CSMD1: variants seen among roughly 807,000 people sequenced by gnomAD.
CSMD1 encodes CUB and Sushi multiple domains 1, also known as CUB and sushi domain-containing protein 1.
CSMD1 carries 213 observed loss-of-function variants against 417.5 expected under a neutral mutation model. The observed-to-expected ratio is 0.51, with a 90% confidence interval of 0.46 to 0.57. The LOEUF (loss-of-function observed/expected upper bound fraction) is 0.57, where lower values mean the gene tolerates loss of function less well. Among genes scored for constraint, CSMD1 ranks in the 20% least tolerant of loss-of-function variants. The probability of loss-of-function intolerance (pLI) is 0.00; values close to 1 mark genes in which losing one functional copy is unlikely to be tolerated. For synonymous variants in CSMD1, 2,862 were observed against 1,736.8 expected (o/e 1.65, Z -16.11); for missense variants, 6,923 against 4,529.7 (o/e 1.53, Z -15.17).
chr8:4,384,886 G>C (rs112473090), intron 3 of CSMD1, among the ~76,000 whole-genome samples: 12,780 of 152,162 alleles, frequency 0.084, 699 homozygotes, highest in South Asian at 0.19. Context: ...CTAATTTCTG[G>C]TGACTATCAA....
chr8:4,165,245 C>T (rs571757595), intron 3 of CSMD1, among the ~76,000 whole-genome samples: 1 of 152,340 alleles, frequency 6.6e-6, no homozygotes, highest in South Asian at 2.1e-4. Context: ...TTCAAAAGGA[C>T]ATGGAGGTCT....
chr8:3,505,238 C>T (rs555552506), intron 10 of CSMD1, among the ~76,000 whole-genome samples: 2 of 152,098 alleles, frequency 1.3e-5, no homozygotes, highest in South Asian at 4.2e-4. Context: ...ATAGAATAAA[C>T]CAGAACACTG....
intron 33 of CSMD1, among the ~76,000 whole-genome samples, chr8:3,192,595 C>T (rs969424938): frequency 6.6e-5 from 10 of 152,156 alleles, no homozygotes; most frequent in East Asian, 1.9e-4. Context: ...GAGAGAGGCA[C>T]GAGAAGCAGC....
chr8:3,613,987 A>T (rs1446358530), intron 8 of CSMD1, among the ~76,000 whole-genome samples: 1 of 151,934 alleles, frequency 6.6e-6, no homozygotes, highest in East Asian at 1.9e-4. Context: ...TTTTATTTGT[A>T]GATAACAAAA....
Position 4,525,429 on chromosome 8 carries a change from A to G in CSMD1, c.303-105364T>C, listed in dbSNP as rs548049143. 2.7e-4 allele frequency among the ~76,000 whole-genome samples: 41 copies of G among 152,258 alleles called. No homozygotes were observed. In the South Asian group the frequency reaches 8.1e-3, roughly 30 times the overall value. On this transcript the variant is annotated intron_variant, in intron 2 of 69. Coordinates refer to ENST00000635120, the MANE Select transcript of CSMD1 (RefSeq NM_033225.6). ...TCATTCCCAACAATGGGAATGCTCT[A>G]CTTTAACCATGAGCTGTAACATATT...
At chr8:3,042,263 T>A (rs1244901867) in intron 50 of CSMD1, among the ~76,000 whole-genome samples, 1 of 152,126 alleles carries the variant, frequency 6.6e-6, no homozygotes, top group African/African-American at 2.4e-5. Flanking sequence ...CACCCTCCTA[T>A]CTAGCACAGA....
intron 10 of CSMD1, among the ~76,000 whole-genome samples, chr8:3,498,069 G>C (rs1392482208): frequency 6.6e-6 from 1 of 152,036 alleles, no homozygotes; most frequent in Non-Finnish European, 1.5e-5. Flanking sequence ...GCTGGGTATA[G>C]TATTCTTGGC....
At chr8:3,451,437 T>C (rs1456295299) in intron 12 of CSMD1, among the ~76,000 whole-genome samples, 1 of 152,238 alleles carries the variant, frequency 6.6e-6, no homozygotes, top group African/African-American at 2.4e-5. Flanking sequence ...TCTAGGGTTT[T>C]TATGGTTTTA....
Position 3,411,882 on chromosome 8 carries a change from A to ACGTATATATG in CSMD1, c.1562-2278_1562-2277insCATATATACG, listed in dbSNP as rs1563361603. Among the ~76,000 whole-genome samples, 5 of 46,356 alleles carry ACGTATATATG rather than the reference A, an allele frequency of 1.1e-4. 1 individual carries two copies. Among genetic ancestry groups the ACGTATATATG allele is most frequent in the Admixed American group, 4.4e-4 (2 of 4,502 alleles). 30.4% of individuals were successfully genotyped at this position (46,356 alleles called of 152,430 possible). ...TGCACGTATATATGCACGTATATAT[A>ACGTATATATG]CACGTATATATGCACGTATATATAC... On this transcript the variant is annotated intron_variant, in intron 12 of 69. Coordinates refer to ENST00000635120, the MANE Select transcript of CSMD1 (RefSeq NM_033225.6).
At chr8:3,943,451 T>A (rs1284324727) in intron 5 of CSMD1, among the ~76,000 whole-genome samples, 2 of 140,368 alleles carry the variant, frequency 1.4e-5, no homozygotes, top group African/African-American at 2.6e-5. Context: ...ATTCCAGCAA[T>A]TGTTTCTGAC....
At chr8:3,611,967 G>C (rs577306161) in intron 8 of CSMD1, among the ~76,000 whole-genome samples, 3 of 152,114 alleles carry the variant, frequency 2.0e-5, no homozygotes, top group South Asian at 4.2e-4. Flanking sequence ...TTTTGTTATA[G>C]TATCAAATAA....
chr8:4,644,681 T>G (rs890193448), intron 1 of CSMD1, among the ~76,000 whole-genome samples: 1 of 152,226 alleles, frequency 6.6e-6, no homozygotes, highest in Non-Finnish European at 1.5e-5. Flanking sequence ...AGTACTGGAA[T>G]TACAGGTGTG....
intron 5 of CSMD1, among the ~76,000 whole-genome samples, chr8:3,789,977 C>T (rs1172242645): frequency 6.6e-6 from 1 of 152,100 alleles, no homozygotes. Flanking sequence ...GTGATCCGCC[C>T]ACCTCGGCCT....
rs960051266 is a variant in CSMD1, at chr8:3,592,623, G to A, written c.1098-6363C>T. Among the ~76,000 whole-genome samples, 4 of 152,094 alleles carry A rather than the reference G, an allele frequency of 2.6e-5. No individual in the cohort carries two copies. The South Asian group carries it at 8.3e-4, about 32-fold the overall frequency. ...AGAGGAACAAAGCTGTGAGCAGGAG[G>A]AAGGGTGAATGCTGAAGGGTCTATG... On this transcript the variant is annotated intron_variant, in intron 8 of 69. Coordinates refer to ENST00000635120, the MANE Select transcript of CSMD1 (RefSeq NM_033225.6).
chr8:4,707,886 CAAAAAAAAA>C lies in CSMD1; in HGVS notation c.86-70337_86-70329del, dbSNP rs552510236. Among the ~76,000 whole-genome samples the C allele has an allele frequency of 2.2e-4, 22 of 100,836 alleles. No individual in the cohort carries two copies. In the South Asian group the frequency reaches 3.7e-3, roughly 17 times the overall value. 66.2% of individuals were successfully genotyped at this position (100,836 alleles called of 152,430 possible). ...TGGGGACAAGAGCAAGACTTTGTTT[CAAAAAAAAA>C]AAAAAAAAAAAAAAAAAAAAAAAAA... is the stretch of plus-strand genomic sequence containing the variant. On this transcript the variant is annotated intron_variant, in intron 1 of 69. Coordinates refer to ENST00000635120, the MANE Select transcript of CSMD1 (RefSeq NM_033225.6).
intron 1 of CSMD1, among the ~76,000 whole-genome samples, chr8:4,824,770 A>C (rs751881199): frequency 2.0e-5 from 3 of 152,186 alleles, no homozygotes; most frequent in Non-Finnish European, 4.4e-5. Context: ...ACAAAAGCTA[A>C]CAAGAGTAAT....
At chr8:3,071,336 C>T (rs989556477) in intron 49 of CSMD1, among the ~76,000 whole-genome samples, 3 of 152,106 alleles carry the variant, frequency 2.0e-5, no homozygotes, top group African/African-American at 7.2e-5. Flanking sequence ...GAACATCACA[C>T]ACCGGGGCCC....
intron 1 of CSMD1, among the ~76,000 whole-genome samples, chr8:4,886,373 A>C (rs1295510136): frequency 6.6e-6 from 1 of 151,848 alleles, no homozygotes; most frequent in Non-Finnish European, 1.5e-5. Flanking sequence ...ATATTCCTTA[A>C]TACATTATTA....
At chr8:3,661,336 C>G (rs1214656400) in intron 7 of CSMD1, among the ~76,000 whole-genome samples, 2 of 152,164 alleles carry the variant, frequency 1.3e-5, no homozygotes, top group Non-Finnish European at 2.9e-5. Flanking sequence ...AACCTGCAAC[C>G]AATCCAGCTG....
Sources: allele counts gnomAD v4.1 joint callset (sites outside exome capture counted in the v4.1 genomes callset), GRCh38; gene constraint gnomAD v4.1.1; transcripts MANE v1.5; gene names NCBI Gene and HGNC (gene_info 2026-07-23, HGNC 2026-07-21).